Variants in NFATC1 observed in about 807,000 individuals in gnomAD.
NFATC1 encodes nuclear factor of activated T cells 1, also known as nuclear factor of activated T-cells, cytoplasmic 1.
Under a neutral mutation model 76.0 loss-of-function variants are expected in NFATC1, and 22 were observed. The observed-to-expected ratio is 0.29, with a 90% CI of 0.21 to 0.41. The LOEUF (loss-of-function observed/expected upper bound fraction) is 0.41. NFATC1 is among the 10% of genes least tolerant of loss of function. NFATC1 has a pLI of 1.00. For missense variants in NFATC1, 1,357 were observed against 1,337.7 expected (o/e 1.01, Z -0.23); for synonymous variants, 704 against 613.1 (o/e 1.15, Z -2.19).
chr18:79,433,007 C>T (rs2086652648), intron 2 of NFATC1, among the ~76,000 whole-genome samples: 1 of 152,176 alleles, frequency 6.6e-6, no homozygotes, highest in South Asian at 2.1e-4. Flanking sequence ...GTACCCCGCC[C>T]TGCTGCGTTT....
rs2089500782 is a variant in NFATC1 at position 79,486,512 on chromosome 18, G to A, written c.2357G>A (p.Cys786Tyr). The A allele has an allele frequency of 6.2e-7, 1 of 1,603,214 alleles. No individual in the cohort carries two copies. The change falls in exon 9 of 10, where the codon TGT (cysteine) becomes TAT (tyrosine). Residue 786 changes from cysteine to tyrosine, a missense_variant. By Grantham distance (194) the Cys-to-Tyr change is radical (BLOSUM62 -2). This residue lies in a region of NFATC1 where 424 missense variants were observed against 395.4 expected (regional missense o/e 1.07). Coordinates refer to ENST00000427363, the MANE Select transcript of NFATC1 (RefSeq NM_001278669.2). ...AAGGGCGTTGCCAGCCCGGGCCACT[G>A]TCACCTCGGACTCCCGCAGCCGGCC... is the stretch of plus-strand genomic sequence containing the variant. ...YTKGVASPGH[C>Y]HLGLPQPAGE... is the part of the protein sequence containing the mutation.
In NFATC1 at chr18:79,486,606, AC is replaced by A; in HGVS notation, c.2456del (p.Pro819ArgfsTer8). Reference protein sequence around the residue: ...ATHPGSPGQPPPALLPQQVSA... With the variant: ...ATHPGSPGQPXPALLPQQVSA... Reference sequence around the variant, plus strand: ...CGCACCCCGGCTCGCCCGGGCAGCCACCCCCGGCCCTGCTGCCACAGCAGGT... The same window carrying A: ...CGCACCCCGGCTCGCCCGGGCAGCCACCCCGGCCCTGCTGCCACAGCAGGT... On this transcript the variant is annotated frameshift_variant, in exon 9 of 10. Transcript: ENST00000427363. LOFTEE classifies it high-confidence loss of function. 1.3e-6 allele frequency: 2 copies of A among 1,592,272 alleles called. No individual in the cohort carries two copies.
At chr18:79,481,263 G>A (rs1461335360) in intron 8 of NFATC1, among the ~76,000 whole-genome samples, 1 of 152,252 alleles carries the variant, frequency 6.6e-6, no homozygotes, top group Non-Finnish European at 1.5e-5. Context: ...CCGCAGAGCT[G>A]GGGGCGCCAT....
chr18:79,483,732 G>T (rs1422938748), intron 8 of NFATC1, among the ~76,000 whole-genome samples: 4 of 139,552 alleles, frequency 2.9e-5, no homozygotes, highest in African/African-American at 1.1e-4. Context: ...GCGTGACCTG[G>T]TCCTGGGGTG....
At position 79,486,517 on chromosome 18, in the gene NFATC1, C is replaced by T. The variant is rs747965958; in HGVS notation, c.2362C>T (p.Leu788Phe). The T allele has an allele frequency of 4.4e-6, 7 of 1,602,222 alleles. No homozygotes were observed. Among genetic ancestry groups the T allele is most frequent in the East Asian group, 2.2e-5 (1 of 44,804 alleles). The change falls in exon 9 of 10, where the codon CTC becomes TTC. Residue 788 changes from leucine (L) to phenylalanine (F), a missense_variant. Leu to Phe is a conservative substitution (Grantham distance 22). Coordinates refer to ENST00000427363, the MANE Select transcript of NFATC1 (RefSeq NM_001278669.2). Reference protein sequence around the residue: ...KGVASPGHCHLGLPQPAGEAP... With the variant: ...KGVASPGHCHFGLPQPAGEAP... ...CGTTGCCAGCCCGGGCCACTGTCAC[C>T]TCGGACTCCCGCAGCCGGCCGGAGA...
intron 2 of NFATC1, among the ~76,000 whole-genome samples, chr18:79,413,897 G>A (rs911055927): frequency 6.6e-6 from 1 of 152,142 alleles, no homozygotes; most frequent in Non-Finnish European, 1.5e-5. Flanking sequence ...ACGTGACCCT[G>A]TTAGCTTTAT....
chr18:79,400,177 C>A, intron 1 of NFATC1: 1 of 1,070,856 alleles, frequency 9.3e-7, no homozygotes, highest in Non-Finnish European at 1.1e-6. Flanking sequence ...TATTTAAAAA[C>A]TCGTGTCCGG....
intron 2 of NFATC1, among the ~76,000 whole-genome samples, chr18:79,425,625 T>C (rs1213097155): frequency 6.6e-6 from 1 of 152,254 alleles, no homozygotes; most frequent in African/African-American, 2.4e-5. Context: ...GGGCTTCTGC[T>C]GCCGAGGGCG....
In NFATC1 at chr18:79,527,738, C is replaced by T. The variant is rs1456087381; in HGVS notation, c.*161C>T. 1.5e-6 allele frequency: 1 copy of T among 655,338 alleles called. No individual in the cohort carries two copies. Among genetic ancestry groups the T allele is most frequent in the Admixed American group, 2.7e-5 (1 of 37,052 alleles). 40.6% of individuals were successfully genotyped at this position (655,338 alleles called of 1,614,324 possible). A position where few individuals can be genotyped will look rare whatever the true frequency, so the allele number is the denominator to read the frequency against. ...ATATGTGCAAAGATTGGCTCTCCAA[C>T]AAGAAGGAAAGCAGGGAGGAAGGGA... is the stretch of plus-strand genomic sequence containing the variant. On this transcript the variant is annotated 3_prime_UTR_variant, in exon 10 of 10. Coordinates refer to ENST00000427363, the MANE Select transcript of NFATC1 (RefSeq NM_001278669.2).
At chr18:79,481,929 G>C (rs969257495) in intron 8 of NFATC1, among the ~76,000 whole-genome samples, 9 of 112,206 alleles carry the variant, frequency 8.0e-5, no homozygotes, top group South Asian at 3.0e-4. Flanking sequence ...CCAGTGTGAC[G>C]TGGTCCTGGG....
rs549424531 is a variant in NFATC1, at chr18:79,445,238, G to A, written c.1387-3544G>A. Among the ~76,000 whole-genome samples the A allele has an allele frequency of 7.9e-5, 12 of 152,360 alleles. No homozygotes were observed. In the South Asian group the frequency reaches 8.3e-4, roughly 11 times the overall value. ...TCTGCTTTGGTGTGCCGTGGGTCACGTGGGCCTGGGCTGTGGGTAAGGTGG... is the reference window on the plus strand; with the variant it reads ...TCTGCTTTGGTGTGCCGTGGGTCACATGGGCCTGGGCTGTGGGTAAGGTGG... On this transcript the variant is annotated intron_variant, in intron 3 of 9. Coordinates refer to ENST00000427363, the MANE Select transcript of NFATC1 (RefSeq NM_001278669.2).
chr18:79,400,215 C>G (rs2148125392), intron 1 of NFATC1: 3 of 1,188,914 alleles, frequency 2.5e-6, no homozygotes, highest in African/African-American at 1.6e-5. Context: ...CGGAAGCCGG[C>G]GGCCGCGAGC....
intron 7 of NFATC1, among the ~76,000 whole-genome samples, chr18:79,463,153 G>A (rs1327092339): frequency 6.6e-6 from 1 of 152,212 alleles, no homozygotes; most frequent in African/African-American, 2.4e-5. Context: ...CCTGGCCCTG[G>A]GTGAAGTGAG....
At chr18:79,436,516 A>ACCCGGCG (rs1568959772) in intron 3 of NFATC1, among the ~76,000 whole-genome samples, 5 of 151,002 alleles carry the variant, frequency 3.3e-5, no homozygotes, top group Admixed American at 3.3e-4. Flanking sequence ...CGCGCCCGGT[A>ACCCGGCG]TCCCCGTCCT....
At chr18:79,436,087 T>G (rs2144682565) in intron 3 of NFATC1, among the ~76,000 whole-genome samples, 1 of 152,272 alleles carries the variant, frequency 6.6e-6, no homozygotes, top group Middle Eastern at 3.4e-3. Flanking sequence ...TGTGCATAAT[T>G]TAAAAACAAA....
chr18:79,400,341 C>T, intron 1 of NFATC1: 2 of 1,388,480 alleles, frequency 1.4e-6, no homozygotes, highest in Non-Finnish European at 1.9e-6. Flanking sequence ...GAGAACCGAA[C>T]CCCTGGCGGC....
At chr18:79,416,627 C>T (rs1235082005) in intron 2 of NFATC1, among the ~76,000 whole-genome samples, 1 of 152,224 alleles carries the variant, frequency 6.6e-6, no homozygotes, top group Non-Finnish European at 1.5e-5. Flanking sequence ...AGACGGATAG[C>T]AAAGAAGCCG....
chr18:79,527,437 G>T (rs1485870872), intron 9 of NFATC1, 91 bp from the exon 10 acceptor site: 1 of 1,032,328 alleles, frequency 9.7e-7, no homozygotes, highest in East Asian at 2.5e-5. Context: ...TCACAGGCGT[G>T]AGCGTCACTG....
At position 79,486,605 on chromosome 18, in the gene NFATC1, C is replaced by A; in HGVS notation, c.2450C>A (p.Pro817Gln). Residue 817 changes from proline (P) to glutamine (Q), a missense_variant, in exon 9 of 10, where the codon CCA becomes CAA. Pro to Gln is a moderately conservative substitution (Grantham distance 76, BLOSUM62 -1). Around this residue, in one of 3 missense-constraint regions of NFATC1, gnomAD observed 424 missense variants for 395.4 expected, o/e 1.07. Transcript: ENST00000427363. Reference protein sequence around the residue: ...VATHPGSPGQPPPALLPQQVS... With the variant: ...VATHPGSPGQQPPALLPQQVS... ...ACGCACCCCGGCTCGCCCGGGCAGC[C>A]ACCCCCGGCCCTGCTGCCACAGCAG... The A allele has an allele frequency of 3.1e-6, 5 of 1,592,926 alleles. No individual in the cohort carries two copies. The highest frequency in any genetic ancestry group is 4.3e-6 in the Non-Finnish European group (5 of 1,173,818).
Sources: allele counts gnomAD v4.1 joint callset (sites outside exome capture counted in the v4.1 genomes callset), GRCh38; gene constraint gnomAD v4.1.1; regional missense constraint gnomAD v4.1.1; transcripts MANE v1.5; gene names NCBI Gene and HGNC (gene_info 2026-07-23, HGNC 2026-07-21).